NDUFAF2: variants seen among roughly 807,000 people sequenced by gnomAD.
NDUFAF2 encodes the protein NADH:ubiquinone oxidoreductase complex assembly factor 2.
A neutral mutation model predicts 22.8 loss-of-function variants in NDUFAF2; 13 were observed. The observed-to-expected ratio is 0.57, with a 90% CI of 0.37 to 0.91. The LOEUF (loss-of-function observed/expected upper bound fraction) is 0.91. NDUFAF2 is among the 40% of genes least tolerant of loss of function. NDUFAF2 has a pLI of 0.01. For synonymous variants in NDUFAF2, 53 were observed against 64.2 expected (o/e 0.83, Z 0.84); for missense variants, 162 against 195.2 (o/e 0.83, Z 1.01).
chr5:60,972,233 G>T (rs1357176401), intron 1 of NDUFAF2, among the ~76,000 whole-genome samples: 1 of 151,368 alleles, frequency 6.6e-6, no homozygotes, highest in African/African-American at 2.4e-5. Flanking sequence ...GAGCCACTGT[G>T]CCTGGCCCAT....
intron 3 of NDUFAF2, among the ~76,000 whole-genome samples, chr5:61,119,920 A>T (rs971539972): frequency 6.6e-6 from 1 of 152,172 alleles, no homozygotes; most frequent in Non-Finnish European, 1.5e-5. Context: ...AAATTTTTTT[A>T]AATAGAAGTA....
intron 1 of NDUFAF2, among the ~76,000 whole-genome samples, chr5:61,008,229 C>G (rs941087797): frequency 6.6e-6 from 1 of 151,574 alleles, no homozygotes; most frequent in East Asian, 1.9e-4. Context: ...GTGCAGCGCA[C>G]CAGCATGGCA....
chr5:61,138,420 C>T (rs1028367297), intron 3 of NDUFAF2, among the ~76,000 whole-genome samples: 2 of 152,070 alleles, frequency 1.3e-5, no homozygotes, highest in African/African-American at 2.4e-5. Context: ...TATACAGTTG[C>T]GTAAGGGAAG....
intron 1 of NDUFAF2, among the ~76,000 whole-genome samples, chr5:60,972,100 G>C (rs894380208): frequency 2.0e-5 from 3 of 151,810 alleles, no homozygotes; most frequent in African/African-American, 7.3e-5. Context: ...ACGCCACCGA[G>C]CCTGGCTAAT....
At chr5:61,004,394 C>G (rs1185971421) in intron 1 of NDUFAF2, among the ~76,000 whole-genome samples, 1 of 151,910 alleles carries the variant, frequency 6.6e-6, no homozygotes, top group Admixed American at 6.6e-5. Flanking sequence ...ATACAAGAGT[C>G]TGATATAATG....
At chr5:61,066,978 G>A (rs1202871102) in intron 1 of NDUFAF2, among the ~76,000 whole-genome samples, 1 of 152,086 alleles carries the variant, frequency 6.6e-6, no homozygotes, top group Admixed American at 6.6e-5. Flanking sequence ...AGGATACAAA[G>A]TAGCAGATAT....
At chr5:61,046,452 A>G (rs1751955087) in intron 1 of NDUFAF2, among the ~76,000 whole-genome samples, 1 of 151,986 alleles carries the variant, frequency 6.6e-6, no homozygotes, top group South Asian at 2.1e-4. Context: ...AGACTTTTTT[A>G]TTATTGATTT....
At chr5:61,021,487 G>A (rs528158156) in intron 1 of NDUFAF2, among the ~76,000 whole-genome samples, 1 of 152,142 alleles carries the variant, frequency 6.6e-6, no homozygotes, top group East Asian at 1.9e-4. Flanking sequence ...TCATCTCAAG[G>A]CCCTTAATTT....
At chr5:61,079,618 A>G (rs1205488689) in intron 2 of NDUFAF2, among the ~76,000 whole-genome samples, 5 of 152,238 alleles carry the variant, frequency 3.3e-5, no homozygotes, top group African/African-American at 1.2e-4. Context: ...TAGAGAGAAT[A>G]TTCTTGCATT....
intron 1 of NDUFAF2, among the ~76,000 whole-genome samples, chr5:60,984,380 G>A (rs71611678): frequency 0.57 from 85,010 of 150,412 alleles, 25,098 homozygotes; most frequent in East Asian, 0.94. Context: ...CTAATTGAAT[G>A]CCCTTTATTT....
chr5:60,945,483 A>C, intron 1 of NDUFAF2, 101 bp downstream of exon 1: 1 of 1,506,974 alleles, frequency 6.6e-7, no homozygotes, highest in Non-Finnish European at 9.2e-7. Context: ...ATCATGCGAC[A>C]CTTAGGGTGT....
chr5:61,060,292 C>G (rs890798524), intron 1 of NDUFAF2, among the ~76,000 whole-genome samples: 1 of 152,068 alleles, frequency 6.6e-6, no homozygotes, highest in Admixed American at 6.6e-5. Context: ...TATTTTAGTG[C>G]TCTTAATTTG....
chr5:61,068,590 G>C (rs1482828277), intron 1 of NDUFAF2, among the ~76,000 whole-genome samples: 2 of 152,018 alleles, frequency 1.3e-5, no homozygotes, highest in African/African-American at 4.8e-5. Flanking sequence ...ATGATATTTT[G>C]AGTCACGCGC....
chr5:61,004,356 TA>T (rs1296903320), intron 1 of NDUFAF2, among the ~76,000 whole-genome samples: 1 of 152,082 alleles, frequency 6.6e-6, no homozygotes, highest in Non-Finnish European at 1.5e-5. Flanking sequence ...GGATAACACT[TA>T]AAAAACTGAA....
chr5:61,027,149 C>A (rs757113070), intron 1 of NDUFAF2, among the ~76,000 whole-genome samples: 22 of 151,816 alleles, frequency 1.4e-4, no homozygotes, highest in Non-Finnish European at 2.4e-4. Flanking sequence ...TTTTCACATA[C>A]TCAATTAAGA....
chr5:60,955,238 T>G (rs2112564572), intron 1 of NDUFAF2, among the ~76,000 whole-genome samples: 1 of 152,326 alleles, frequency 6.6e-6, no homozygotes, highest in South Asian at 2.1e-4. Context: ...TGAGTTGATT[T>G]TTATATACAG....
chr5:61,036,204 G>A (rs752752069), intron 1 of NDUFAF2, among the ~76,000 whole-genome samples: 4 of 152,204 alleles, frequency 2.6e-5, no homozygotes, highest in Non-Finnish European at 5.9e-5. Context: ...CCTAACTGCA[G>A]GGGAGGCTGG....
intron 1 of NDUFAF2, among the ~76,000 whole-genome samples, chr5:61,032,209 G>C (rs1377477190): frequency 3.3e-5 from 5 of 152,114 alleles, no homozygotes; most frequent in African/African-American, 1.2e-4. Flanking sequence ...TTCCTTTGCT[G>C]TGCAGAAGCT....
intron 1 of NDUFAF2, among the ~76,000 whole-genome samples, chr5:60,953,799 T>A (rs1750579341): frequency 6.6e-6 from 1 of 152,202 alleles, no homozygotes; most frequent in African/African-American, 2.4e-5. Flanking sequence ...TATGGTTTAC[T>A]GTATTTATGA....
Sources: allele counts gnomAD v4.1 joint callset (sites outside exome capture counted in the v4.1 genomes callset), GRCh38; gene constraint gnomAD v4.1.1; transcripts MANE v1.5; gene names NCBI Gene and HGNC (gene_info 2026-07-23, HGNC 2026-07-21).